Variants in TDG observed in about 807,000 individuals in gnomAD.
TDG encodes thymine DNA glycosylase, also known as G/T mismatch-specific thymine DNA glycosylase.
Under a neutral mutation model 46.1 loss-of-function variants are expected in TDG, and 23 were observed. The ratio of observed to expected loss-of-function variants is 0.50; its 90% confidence interval spans 0.36 to 0.71. TDG has a LOEUF of 0.71. TDG is among the 30% of genes least tolerant of loss of function. The probability of loss-of-function intolerance (pLI) is 0.00; values close to 1 mark genes in which losing one functional copy is unlikely to be tolerated. For missense variants in TDG, 304 were observed against 486.7 expected, an observed-to-expected ratio of 0.62 and a Z score of 3.53; for synonymous variants, 115 against 161.3, an observed-to-expected ratio of 0.71 and a Z score of 2.18.
At chr12:103,985,162 C>CACAT (rs200981623) in intron 8 of TDG, among the ~76,000 whole-genome samples, 12,404 of 122,418 alleles carry the variant, frequency 0.1, 699 homozygotes, top group South Asian at 0.18. Context: ...TATATATAGA[C>CACAT]ACATACACAC....
Position 103,976,980 on chromosome 12 carries a change from C to G in TDG, c.86C>G (p.Ala29Gly). The change falls in exon 2 of 10, where the codon GCT (alanine) becomes GGT (glycine). Residue 29 changes from alanine (A) to glycine (G), a missense_variant. Transcript: ENST00000392872. ...CCATTTCAACAACTGATGGCTGAAG[C>G]TCCTAATATGGCAGTTGTGAATGAA... ...TFPFQQLMAE[A>G]PNMAVVNEQQ... 5.6e-6 allele frequency: 9 copies of G among 1,614,006 alleles called. No homozygotes were observed. The highest frequency in any genetic ancestry group is 6.8e-6 in the Non-Finnish European group (8 of 1,179,974).
rs928909314 is a variant in TDG at position 103,968,222 on chromosome 12, T to C, written c.23+2162T>C. On this transcript the variant is annotated intron_variant, in intron 1 of 9. Transcript: ENST00000392872. ...TAAAGGAGGAATTTTCTAAGGGTAC[T>C]GGGGAGTTTCCCGTGACCTCAGGCG... is the stretch of plus-strand genomic sequence containing the variant. Among the ~76,000 whole-genome samples the C allele has an allele frequency of 3.9e-5, 6 of 152,306 alleles. No homozygotes were observed. The East Asian group carries it at 1.2e-3, about 29-fold the overall frequency.
Position 103,988,235 on chromosome 12 carries a change from T to C in TDG, c.*1145T>C, listed in dbSNP as rs1872285275. The C allele has an allele frequency of 1.3e-5, 2 of 152,256 alleles. No individual in the cohort carries two copies. Among genetic ancestry groups the C allele is most frequent in the African/African-American group, 4.8e-5 (2 of 41,482 alleles). The allele number at this position is 152,256 out of a possible 1,614,324, so 9.4% of individuals were successfully genotyped here. A position where few individuals can be genotyped will look rare whatever the true frequency, so the allele number is the denominator to read the frequency against. On this transcript the variant is annotated 3_prime_UTR_variant, in exon 10 of 10. Coordinates refer to ENST00000392872, the MANE Select transcript of TDG (RefSeq NM_003211.6). The stretch of plus-strand genomic sequence containing the variant: ...AGAAATGTTATTTGCATCCTCTCAG[T>C]TACTCCTGAATATTCTGATTTCATA...
chr12:103,979,027 C>T (rs1871676359), intron 2 of TDG, among the ~76,000 whole-genome samples: 1 of 152,050 alleles, frequency 6.6e-6, no homozygotes, highest in South Asian at 2.1e-4. Flanking sequence ...CCTAAATTCC[C>T]CTCTTCAACT....
intron 5 of TDG, 83 bp downstream of exon 5, chr12:103,983,017 T>C: frequency 6.3e-7 from 1 of 1,584,480 alleles, no homozygotes; most frequent in Non-Finnish European, 8.6e-7. Flanking sequence ...CATATGTATC[T>C]AGTTCAAGCT....
chr12:103,970,100 A>C (rs1467746571), intron 1 of TDG, among the ~76,000 whole-genome samples: 1 of 152,110 alleles, frequency 6.6e-6, no homozygotes. Context: ...GAGCATTTGG[A>C]TTATTTAGCC....
At chr12:103,985,242 GA>G (rs992634321) in intron 8 of TDG, among the ~76,000 whole-genome samples, 1 of 146,620 alleles carries the variant, frequency 6.8e-6, no homozygotes, top group Admixed American at 6.8e-5. Flanking sequence ...TTAAAAGCAG[GA>G]AAAAAGAAAA....
intron 1 of TDG, 70 bp downstream of exon 1, chr12:103,966,130 C>G: frequency 2.1e-6 from 3 of 1,415,916 alleles, no homozygotes; most frequent in Non-Finnish European, 1.9e-6. Context: ...GGCGCGCGCG[C>G]GCGCACGCAG....
intron 7 of TDG, among the ~76,000 whole-genome samples, chr12:103,983,677 G>A (rs1566183411): frequency 6.6e-6 from 1 of 152,124 alleles, no homozygotes; most frequent in Non-Finnish European, 1.5e-5. Context: ...ACATTTAATG[G>A]CATGTAGTTG....
intron 9 of TDG, 26 bp from the exon 10 acceptor site, chr12:103,986,922 C>T: frequency 7.3e-7 from 1 of 1,372,302 alleles, no homozygotes. Flanking sequence ...ATGGCATAAA[C>T]TAACTTTGTT....
At chr12:103,974,062 C>G (rs1249101057) in intron 1 of TDG, among the ~76,000 whole-genome samples, 1 of 152,138 alleles carries the variant, frequency 6.6e-6, no homozygotes, top group East Asian at 1.9e-4. Flanking sequence ...AGTGGTTTGT[C>G]CATTGGGATT....
chr12:103,977,321 C>A (rs1323002492), intron 2 of TDG, among the ~76,000 whole-genome samples: 2 of 152,172 alleles, frequency 1.3e-5, no homozygotes, highest in African/African-American at 4.8e-5. Flanking sequence ...TGAAGAGGGG[C>A]ATAGAATGAA....
rs1474611335 is a variant in TDG, at chr12:103,988,158, G to C, written c.*1068G>C. The C allele has an allele frequency of 2.0e-5, 3 of 152,600 alleles. No homozygotes were observed. Among genetic ancestry groups the C allele is most frequent in the Admixed American group, 2.0e-4 (3 of 15,290 alleles). 9.5% of individuals were successfully genotyped at this position (152,600 alleles called of 1,614,324 possible). Reference sequence around the variant, plus strand: ...GATTTTCTAATGAGTTTTCCATGGTGCTACAAATAATCCAGACTACCAGGT... The same window carrying C: ...GATTTTCTAATGAGTTTTCCATGGTCCTACAAATAATCCAGACTACCAGGT... On this transcript the variant is annotated 3_prime_UTR_variant, in exon 10 of 10. Transcript: ENST00000392872.
chr12:103,977,523 G>T (rs1027267622), intron 2 of TDG, among the ~76,000 whole-genome samples: 10 of 152,198 alleles, frequency 6.6e-5, no homozygotes, highest in African/African-American at 2.2e-4. Flanking sequence ...CACAAGCATG[G>T]CATGGCCAGA....
Position 103,979,848 on chromosome 12 carries a change from AAAAG to A in TDG, c.188_191del (p.Arg63AsnfsTer41). The A allele has an allele frequency of 2.5e-6, 4 of 1,571,908 alleles. No homozygotes were observed. The highest frequency in any genetic ancestry group is 3.4e-6 in the Non-Finnish European group (4 of 1,169,064). On this transcript the variant is annotated frameshift_variant, in exon 3 of 10. Coordinates refer to ENST00000392872, the MANE Select transcript of TDG (RefSeq NM_003211.6). LOFTEE classifies it high-confidence loss of function. ...TATTTCAGAGGCTCCAAAAGGAAGA[AAAAG>A]AAAACCCAGAACAACAGAACCAAAA...
Position 103,984,797 on chromosome 12 carries a change from C to T in TDG, c.841C>T (p.Arg281Ter), listed in dbSNP as rs149399146. 2.6e-5 allele frequency: 42 copies of T among 1,612,708 alleles called. No individual in the cohort carries two copies. The South Asian group carries it at 3.6e-4, about 14-fold the overall frequency. ...SSSARCAQFP[R>*]AQDKVHYYIK... ...CAGTGCAAGATGTGCTCAGTTTCCT[C>T]GAGCCCAAGACAAAGTTCATTACTA... Residue 281 changes from arginine (R) to a stop codon, truncating the protein, a stop_gained, in exon 8 of 10, where the codon CGA becomes TGA. Coordinates refer to ENST00000392872, the MANE Select transcript of TDG (RefSeq NM_003211.6). LOFTEE classifies it high-confidence loss of function.
intron 1 of TDG, among the ~76,000 whole-genome samples, chr12:103,973,940 C>A (rs1037234836): frequency 6.6e-6 from 1 of 152,038 alleles, no homozygotes. Context: ...AATTTGTGAA[C>A]AATAAAAGAA....
chr12:103,981,241 T>G (rs1032545415), intron 4 of TDG, among the ~76,000 whole-genome samples: 1 of 144,934 alleles, frequency 6.9e-6, no homozygotes, highest in Admixed American at 6.9e-5. Context: ...TTTTTTTTTT[T>G]TTTTTTTTTT....
intron 6 of TDG, 30 bp from the exon 7 acceptor site, chr12:103,983,265 C>A: frequency 1.3e-6 from 2 of 1,564,536 alleles, no homozygotes; most frequent in Non-Finnish European, 1.7e-6. Context: ...ACATTATGGG[C>A]AATGTAAATA....
Sources: gnomAD v4.1 joint callset for allele counts (sites outside exome capture counted in the v4.1 genomes callset) on GRCh38, gnomAD v4.1.1 for gene constraint, MANE v1.5 for transcripts, NCBI Gene and HGNC (gene_info 2026-07-23, HGNC 2026-07-21) for gene names.